NCAM2: variants seen among roughly 807,000 people sequenced by gnomAD.
The protein encoded by NCAM2 is N-CAM-2.
Under a neutral mutation model 98.1 loss-of-function variants are expected in NCAM2, and 30 were observed. The observed-to-expected ratio is 0.31, with a 90% CI of 0.23 to 0.41. NCAM2 has a LOEUF of 0.41. Among genes scored for constraint, NCAM2 ranks in the 10% least tolerant of loss-of-function variants. NCAM2 has a pLI of 1.00. For synonymous variants in NCAM2, 368 were observed against 342.4 expected, an observed-to-expected ratio of 1.07 and a Z score of -0.83; for missense variants, 867 against 1,005.8, an observed-to-expected ratio of 0.86 and a Z score of 1.87.
chr21:21,527,207 G>A (rs1193821768), intron 16 of NCAM2, among the ~76,000 whole-genome samples: 1 of 151,632 alleles, frequency 6.6e-6, no homozygotes, highest in Non-Finnish European at 1.5e-5. Context: ...CACCTCCCAG[G>A]TTCAAGTGAT....
intron 5 of NCAM2, among the ~76,000 whole-genome samples, chr21:21,314,759 T>TTTGTTG (rs34346971): frequency 5.3e-5 from 8 of 151,666 alleles, no homozygotes; most frequent in East Asian, 2.0e-4. Flanking sequence ...ATCCATGAAT[T>TTTGTTG]TTGTTGTTGT....
chr21:21,272,490 A>G (rs1193562316), intron 1 of NCAM2, among the ~76,000 whole-genome samples: 4 of 115,252 alleles, frequency 3.5e-5, no homozygotes, highest in African/African-American at 1.3e-4. Flanking sequence ...GCACACATAC[A>G]CACACATGCG....
intron 1 of NCAM2, among the ~76,000 whole-genome samples, chr21:21,012,779 A>G (rs983361490): frequency 9.9e-5 from 15 of 151,946 alleles, no homozygotes; most frequent in Non-Finnish European, 1.9e-4. Context: ...TTCTGATAGC[A>G]TATGCTCTCC....
At chr21:21,233,027 T>G (rs2070689601) in intron 1 of NCAM2, among the ~76,000 whole-genome samples, 1 of 151,682 alleles carries the variant, frequency 6.6e-6, no homozygotes, top group Admixed American at 6.6e-5. Context: ...AATTTTCTGA[T>G]TTTGCACTTT....
In NCAM2 at chr21:21,250,617, C is replaced by T. The variant is rs115678884; in HGVS notation, c.56-29961C>T. 5.5e-3 allele frequency among the ~76,000 whole-genome samples: 837 copies of T among 152,078 alleles called. 12 individuals carry two copies. The highest frequency in any genetic ancestry group is 0.019 in the African/African-American group (797 of 41,490). ...CTGCAAATCTAAGTGTGAATGGTTT[C>T]GCAGAAGTCATATGTTTTTTTCAAA... On this transcript the variant is annotated intron_variant, in intron 1 of 17. Coordinates refer to ENST00000400546, the MANE Select transcript of NCAM2 (RefSeq NM_004540.5).
rs192323183 is a variant in NCAM2 at position 21,338,462 on chromosome 21, G to T, written c.972G>T (p.Ala324=). The change falls in exon 8 of 18, where the codon GCG becomes GCT. Residue 324 remains alanine (A), a synonymous_variant. Coordinates refer to ENST00000400546, the MANE Select transcript of NCAM2 (RefSeq NM_004540.5). The stretch of plus-strand genomic sequence containing the variant: ...GTCAAGTCACACTCGTATGTGATGC[G>T]GAAGGGGAGCCTATTCCAGAAATCA... ...ENGQVTLVCD[A]EGEPIPEITW... 6.2e-7 allele frequency: 1 copy of T among 1,612,624 alleles called. No homozygotes were observed. The highest frequency in any genetic ancestry group is 8.5e-7 in the Non-Finnish European group (1 of 1,179,332).
At chr21:21,061,431 T>C (rs2146329540) in intron 1 of NCAM2, among the ~76,000 whole-genome samples, 1 of 152,306 alleles carries the variant, frequency 6.6e-6, no homozygotes, top group African/African-American at 2.4e-5. Context: ...AGATGCATTT[T>C]ATACTATCAG....
intron 1 of NCAM2, among the ~76,000 whole-genome samples, chr21:21,090,236 C>G (rs2065985722): frequency 6.6e-6 from 1 of 152,118 alleles, no homozygotes; most frequent in Admixed American, 6.5e-5. Flanking sequence ...GTCAGATATG[C>G]TGACTTTTTA....
chr21:21,283,461 C>T (rs571323761), intron 2 of NCAM2, among the ~76,000 whole-genome samples: 1 of 151,946 alleles, frequency 6.6e-6, no homozygotes, highest in Non-Finnish European at 1.5e-5. Context: ...AATTGGAAAA[C>T]TTAAATAAAT....
In NCAM2 at chr21:21,021,650, A is replaced by AT. The variant is rs1400494634; in HGVS notation, c.55+23038dup. ...CTTTTTTAATCTTTCACAAGCTGGT[A>AT]TTTTTTAATCTATTCATTTATCCCA... On this transcript the variant is annotated intron_variant, in intron 1 of 17. Transcript: ENST00000400546. 3.3e-5 allele frequency among the ~76,000 whole-genome samples: 5 copies of AT among 152,254 alleles called. No individual in the cohort carries two copies. In the East Asian group the frequency reaches 9.7e-4, roughly 29 times the overall value.
At chr21:21,360,238 G>C (rs1384223262) in intron 8 of NCAM2, among the ~76,000 whole-genome samples, 1 of 151,804 alleles carries the variant, frequency 6.6e-6, no homozygotes, top group Non-Finnish European at 1.5e-5. Context: ...TCTTGACTCA[G>C]GGATTGACAT....
At chr21:21,335,723 A>C in intron 7 of NCAM2, 58 bp downstream of exon 7, 1 of 1,306,182 alleles carries the variant, frequency 7.7e-7, no homozygotes, top group Admixed American at 2.7e-5. Context: ...TCAGAGTGAA[A>C]TTCTACTCTA....
At chr21:21,210,593 A>AC in intron 1 of NCAM2, 1 of 1,289,054 alleles carries the variant, frequency 7.8e-7, no homozygotes, top group Non-Finnish European at 1.0e-6. Flanking sequence ...GGACAAGTTT[A>AC]CCTTGATTAT....
intron 8 of NCAM2, among the ~76,000 whole-genome samples, chr21:21,341,640 C>A (rs2075039915): frequency 6.7e-6 from 1 of 150,126 alleles, no homozygotes; most frequent in Admixed American, 6.6e-5. Context: ...AACAACATGG[C>A]AATGTATTTA....
intron 1 of NCAM2, among the ~76,000 whole-genome samples, chr21:21,007,827 A>G (rs2064138547): frequency 6.6e-6 from 1 of 152,124 alleles, no homozygotes; most frequent in Non-Finnish European, 1.5e-5. Context: ...TCATCCTGTG[A>G]CTTAGAATGC....
rs1990148648 is a variant in NCAM2 at position 21,539,593 on chromosome 21, T to A, written c.*1636T>A. On this transcript the variant is annotated 3_prime_UTR_variant, in exon 18 of 18. Transcript: ENST00000400546. ...GGAGAGAAAACTAAGTACTTTTATA[T>A]AATTCATCACTTTTCTGGCTACAGC... 1 of 152,208 alleles carries A rather than the reference T, an allele frequency of 6.6e-6. No individual in the cohort carries two copies. The highest frequency in any genetic ancestry group is 6.6e-5 in the Admixed American group (1 of 15,264). The allele number at this position is 152,208 out of a possible 1,614,324, so 9.4% of individuals were successfully genotyped here. A position where few individuals can be genotyped will look rare whatever the true frequency, so the allele number is the denominator to read the frequency against.
chr21:21,143,625 T>C (rs544083509), intron 1 of NCAM2, among the ~76,000 whole-genome samples: 2 of 152,268 alleles, frequency 1.3e-5, no homozygotes, highest in African/African-American at 4.8e-5. Context: ...CCCAATTTTA[T>C]CTTTTTAATA....
chr21:21,421,506 TCAGA>T (rs2077110959), intron 11 of NCAM2, among the ~76,000 whole-genome samples: 1 of 152,132 alleles, frequency 6.6e-6, no homozygotes, highest in Admixed American at 6.6e-5. Context: ...TAAAAATGAT[TCAGA>T]CAGTCAGCCT....
In NCAM2 at chr21:21,405,180, T is replaced by C. The variant is rs188827352; in HGVS notation, c.1196-5094T>C. On this transcript the variant is annotated intron_variant, in intron 9 of 17. Transcript: ENST00000400546. ...GTATTTTTGTTATTTATTTATGGTA[T>C]AATTACTAACAAGACTCTTTTAGTT... 1.1e-3 allele frequency among the ~76,000 whole-genome samples: 165 copies of C among 152,176 alleles called. 3 individuals are homozygous for C. Among genetic ancestry groups the C allele is most frequent in the Admixed American group, 0.01 (160 of 15,274 alleles).
Sources: gnomAD v4.1 joint callset for allele counts (sites outside exome capture counted in the v4.1 genomes callset) on GRCh38, gnomAD v4.1.1 for gene constraint, MANE v1.5 for transcripts, NCBI Gene and HGNC (gene_info 2026-07-23, HGNC 2026-07-21) for gene names.